TAS2R1: variants seen among roughly 807,000 people sequenced by gnomAD.
TAS2R1 encodes taste receptor type 2 member 1.
For missense variants in TAS2R1, 370 were observed against 353.4 expected (o/e 1.05, Z -0.38); for synonymous variants, 141 against 134.2 (o/e 1.05, Z -0.35).
chr5:9,783,097 T>G, the TAS2R1 span, among the ~76,000 whole-genome samples: 1 of 152,196 alleles, frequency 6.6e-6, no homozygotes, highest in Admixed American at 6.5e-5. Flanking sequence ...TGCAGCCCCG[T>G]TGCCTTCTCC....
chr5:9,744,572 T>C, the TAS2R1 span, among the ~76,000 whole-genome samples: 5 of 151,938 alleles, frequency 3.3e-5, no homozygotes, highest in African/African-American at 1.2e-4. Context: ...CTTGTATATA[T>C]AGTAAGGGCC....
At chr5:9,882,073 C>G in the TAS2R1 span, among the ~76,000 whole-genome samples, 4 of 152,134 alleles carry the variant, frequency 2.6e-5, no homozygotes, top group Non-Finnish European at 5.9e-5. Flanking sequence ...GAACAGACAA[C>G]CTACAGAATG....
chr5:9,886,331 A>AT, the TAS2R1 span, among the ~76,000 whole-genome samples: 53,735 of 98,176 alleles, frequency 0.55, 16,868 homozygotes, highest in Non-Finnish European at 0.64. Context: ...TGCGCCCAGC[A>AT]TTTTTTTTTT....
the TAS2R1 span, among the ~76,000 whole-genome samples, chr5:9,830,218 T>C: frequency 5.0e-3 from 753 of 150,882 alleles, 9 homozygotes; most frequent in African/African-American, 0.017. Context: ...GATAGACAGA[T>C]AGACAGACAG....
At chr5:9,745,881 C>A in the TAS2R1 span, among the ~76,000 whole-genome samples, 3 of 152,040 alleles carry the variant, frequency 2.0e-5, no homozygotes, top group Non-Finnish European at 4.4e-5. Context: ...ACTAAAACAC[C>A]AAAAGCAATT....
the TAS2R1 span, among the ~76,000 whole-genome samples, chr5:9,877,703 A>T: frequency 3.9e-5 from 6 of 152,224 alleles, no homozygotes; most frequent in Admixed American, 3.9e-4. Context: ...CTCTCATCTC[A>T]ACAGAGCCGA....
At chr5:9,860,480 T>C in the TAS2R1 span, among the ~76,000 whole-genome samples, 1 of 152,034 alleles carries the variant, frequency 6.6e-6, no homozygotes, top group Non-Finnish European at 1.5e-5. Context: ...CAAAACAAAA[T>C]AGGAAATAAC....
chr5:9,702,955 G>GA (rs1161814749), intron 1 of TAS2R1, among the ~76,000 whole-genome samples: 1 of 151,932 alleles, frequency 6.6e-6, no homozygotes, highest in Non-Finnish European at 1.5e-5. Flanking sequence ...GCCAGAAAGA[G>GA]AAAAAGTATT....
chr5:9,639,380 G>A (rs980077587), intron 2 of TAS2R1, among the ~76,000 whole-genome samples: 1 of 152,182 alleles, frequency 6.6e-6, no homozygotes, highest in Non-Finnish European at 1.5e-5. Context: ...TCCTTCTCCT[G>A]TGATCTGGAT....
chr5:9,764,531 G>A, the TAS2R1 span, among the ~76,000 whole-genome samples: 4 of 152,228 alleles, frequency 2.6e-5, no homozygotes, highest in Admixed American at 1.3e-4. Flanking sequence ...CTTACAGCTC[G>A]GATCTAGGAG....
the TAS2R1 span, among the ~76,000 whole-genome samples, chr5:9,901,105 T>C: frequency 6.6e-6 from 1 of 152,106 alleles, no homozygotes; most frequent in African/African-American, 2.4e-5. Flanking sequence ...GGCCCTGGGT[T>C]GGACCCTGAG....
the TAS2R1 span, among the ~76,000 whole-genome samples, chr5:9,861,338 C>T: frequency 6.6e-6 from 1 of 152,110 alleles, no homozygotes; most frequent in South Asian, 2.1e-4. Context: ...CTTTAAGTCT[C>T]CTGCATTCAT....
the TAS2R1 span, among the ~76,000 whole-genome samples, chr5:9,870,781 T>G: frequency 5.3e-5 from 8 of 152,076 alleles, no homozygotes; most frequent in Non-Finnish European, 1.2e-4. Context: ...GAAAGCCAAG[T>G]AGGTGTTCTC....
At chr5:9,882,945 A>G in the TAS2R1 span, among the ~76,000 whole-genome samples, 5 of 152,352 alleles carry the variant, frequency 3.3e-5, no homozygotes, top group African/African-American at 7.2e-5. Context: ...TTGCAGCACT[A>G]TTCACAATAG....
chr5:9,849,202 G>C, the TAS2R1 span, among the ~76,000 whole-genome samples: 1 of 152,170 alleles, frequency 6.6e-6, no homozygotes, highest in African/African-American at 2.4e-5. Context: ...AATTAAACCT[G>C]ACCCCAGCTT....
chr5:9,715,131 GC>G (rs1734780890), upstream of TAS2R1, among the ~76,000 whole-genome samples: 1 of 152,188 alleles, frequency 6.6e-6, no homozygotes, highest in East Asian at 1.9e-4. Context: ...TTGCTCCCCA[GC>G]ACAGCCAGTG....
chr5:9,704,413 T>C (rs1212791106), intron 1 of TAS2R1, among the ~76,000 whole-genome samples: 1 of 152,018 alleles, frequency 6.6e-6, no homozygotes, highest in Non-Finnish European at 1.5e-5. Flanking sequence ...CATGAAATAG[T>C]TCCCATGAGC....
chr5:9,757,377 A>T, the TAS2R1 span, among the ~76,000 whole-genome samples: 1 of 152,182 alleles, frequency 6.6e-6, no homozygotes, highest in Non-Finnish European at 1.5e-5. Flanking sequence ...TACTGATTAC[A>T]GTTTCTCATC....
chr5:9,680,147 A>C lies in TAS2R1; in HGVS notation c.-241-20566T>G, dbSNP rs115038261. Among the ~76,000 whole-genome samples, 1,060 of 152,328 alleles carry C rather than the reference A, an allele frequency of 7.0e-3. 17 individuals carry two copies. Among genetic ancestry groups the C allele is most frequent in the African/African-American group, 0.025 (1,023 of 41,566 alleles). ...GTTGTTAAAGATTGTGTACACCAAAAGAGTTCTTAATGACCAATTTGAAAA... is the reference window on the plus strand; with the variant it reads ...GTTGTTAAAGATTGTGTACACCAAACGAGTTCTTAATGACCAATTTGAAAA... On this transcript the variant is annotated intron_variant, in intron 1 of 2. Coordinates refer to the TAS2R1 transcript ENST00000506620.
Sources: gnomAD v4.1 joint callset for allele counts (sites outside exome capture counted in the v4.1 genomes callset) on GRCh38, gnomAD v4.1.1 for gene constraint, MANE v1.5 for transcripts, NCBI Gene and HGNC (gene_info 2026-07-23, HGNC 2026-07-21) for gene names.